Variants in DNAJA4 observed in about 807,000 individuals in gnomAD.
The protein encoded by DNAJA4 is dnaJ homolog subfamily A member 4.
In DNAJA4, 32 loss-of-function variants were observed where a neutral mutation model predicts 39.7. The ratio of observed to expected loss-of-function variants is 0.81; its 90% CI spans 0.61 to 1.08. The LOEUF (loss-of-function observed/expected upper bound fraction) is 1.08, where lower values mean the gene tolerates loss of function less well. DNAJA4 is among the 50% of genes least tolerant of loss of function. DNAJA4 has a pLI of 0.00. For missense variants in DNAJA4, 439 were observed against 505.1 expected, an observed-to-expected ratio of 0.87 and a Z score of 1.25; for synonymous variants, 184 against 182.4, an observed-to-expected ratio of 1.01 and a Z score of -0.07.
intron 5 of DNAJA4, chr15:78,278,415 A>G: frequency 2.5e-6 from 1 of 404,908 alleles, no homozygotes; most frequent in Non-Finnish European, 5.0e-6. Flanking sequence ...CATAGAATGT[A>G]CTCACACAGA....
Position 78,264,620 on chromosome 15 carries a change from C to T in DNAJA4, c.-144C>T, listed in dbSNP as rs1375488264. 1 of 1,080,148 alleles carries T rather than the reference C, an allele frequency of 9.3e-7. No homozygotes were observed. Among genetic ancestry groups the T allele is most frequent in the Non-Finnish European group, 1.1e-6 (1 of 895,100 alleles). The allele number at this position is 1,080,148 out of a possible 1,614,324, so 66.9% of individuals were successfully genotyped here. On this transcript the variant is annotated 5_prime_UTR_variant, in exon 1 of 7. Transcript: ENST00000394852. ...GCGCGGGGCGGGGGGCGGGCGGGAGCTACAAGCGGCGGCGGCGGCGGCGAC... is the reference window on the plus strand; with the variant it reads ...GCGCGGGGCGGGGGGCGGGCGGGAGTTACAAGCGGCGGCGGCGGCGGCGAC...
chr15:78,266,200 T>C (rs2049118348), intron 1 of DNAJA4: 1 of 1,612,640 alleles, frequency 6.2e-7, no homozygotes, highest in Admixed American at 1.7e-5. Flanking sequence ...TAAGGAGAGC[T>C]TGTAGGCTTC....
intron 1 of DNAJA4, chr15:78,266,400 C>T: frequency 1.0e-6 from 1 of 973,000 alleles, no homozygotes; most frequent in African/African-American, 1.6e-5. Context: ...GTGTAGGTTT[C>T]ACCCTGTCTA....
intron 1 of DNAJA4, chr15:78,265,387 C>A: frequency 1.5e-6 from 1 of 675,522 alleles, no homozygotes; most frequent in Non-Finnish European, 2.7e-6. Context: ...CCGTGCCTCT[C>A]TTGAGAATGA....
rs536103341 is a variant in DNAJA4, at chr15:78,268,640, C to T, written c.133-1857C>T. Among the ~76,000 whole-genome samples the T allele has an allele frequency of 8.5e-5, 13 of 152,214 alleles. 1 individual carries two copies. The highest frequency in any genetic ancestry group is 5.8e-4 in the East Asian group (3 of 5,186). On this transcript the variant is annotated intron_variant, in intron 1 of 6. Transcript: ENST00000394852. ...ATCTATATATCCATATTTGTCTCTCCGACTAAACTGTAGCCTCTGGAGGGC... is the reference window on the plus strand; with the variant it reads ...ATCTATATATCCATATTTGTCTCTCTGACTAAACTGTAGCCTCTGGAGGGC...
At chr15:78,276,798 C>T (rs2049475973) in intron 5 of DNAJA4, among the ~76,000 whole-genome samples, 1 of 152,178 alleles carries the variant, frequency 6.6e-6, no homozygotes, top group African/African-American at 2.4e-5. Flanking sequence ...AATAAGCCTG[C>T]CCCCAGGGCA....
At chr15:78,267,189 T>A (rs530796575) in intron 1 of DNAJA4, among the ~76,000 whole-genome samples, 11 of 151,226 alleles carry the variant, frequency 7.3e-5, no homozygotes, top group African/African-American at 1.2e-4. Flanking sequence ...TGAGTGTGTG[T>A]GTGAGTGTGT....
Position 78,275,025 on chromosome 15 carries a change from AAG to A in DNAJA4, c.647-471_647-470del, listed in dbSNP as rs57409017. On this transcript the variant is annotated intron_variant, in intron 4 of 6. Coordinates refer to ENST00000394852, the MANE Select transcript of DNAJA4 (RefSeq NM_001130182.2). The stretch of plus-strand genomic sequence containing the variant: ...AGATCAGAGATGAGACCAAAAGTAA[AAG>A]AATCAACAGCCAAACCGACACAGGT... 727 of 174,818 alleles carry A rather than the reference AAG, an allele frequency of 4.2e-3. 8 individuals carry two copies. The highest frequency in any genetic ancestry group is 0.017 in the African/African-American group (694 of 42,028). The allele number at this position is 174,818 out of a possible 1,614,324, so 10.8% of individuals were successfully genotyped here. A position where few individuals can be genotyped will look rare whatever the true frequency, so the allele number is the denominator to read the frequency against.
At chr15:78,271,010 G>C (rs1354115967) in intron 2 of DNAJA4, among the ~76,000 whole-genome samples, 2 of 152,132 alleles carry the variant, frequency 1.3e-5, no homozygotes. Flanking sequence ...CGAGGCTGCA[G>C]TGAGCTCTCC....
At chr15:78,275,190 G>A (rs1253467965) in intron 4 of DNAJA4, 2 of 366,336 alleles carry the variant, frequency 5.5e-6, no homozygotes, top group Non-Finnish European at 1.0e-5. Context: ...CGGGAAGTGG[G>A]CGGTGACCCT....
At chr15:78,269,344 G>A (rs2049230663) in intron 1 of DNAJA4, among the ~76,000 whole-genome samples, 1 of 152,126 alleles carries the variant, frequency 6.6e-6, no homozygotes, top group African/African-American at 2.4e-5. Flanking sequence ...GAGTGGATGT[G>A]GTGTGGTAAG....
intron 5 of DNAJA4, chr15:78,278,363 T>G (rs1244268446): frequency 5.6e-5 from 25 of 446,968 alleles, no homozygotes; most frequent in Admixed American, 3.1e-4. Context: ...GGATATGTTC[T>G]GAGAGATGCA....
intron 1 of DNAJA4, chr15:78,265,898 A>G (rs1188542426): frequency 1.7e-6 from 1 of 594,816 alleles, no homozygotes; most frequent in African/African-American, 1.9e-5. Context: ...CGCTGGAATC[A>G]AAATACCTGT....
At position 78,264,578 on chromosome 15, in the gene DNAJA4, G is replaced by T; in HGVS notation, c.-186G>T. The T allele has an allele frequency of 8.4e-7, 1 of 1,195,402 alleles. No homozygotes were observed. Among genetic ancestry groups the T allele is most frequent in the Non-Finnish European group, 1.0e-6 (1 of 964,828 alleles). The allele number at this position is 1,195,402 out of a possible 1,614,324, so 74.0% of individuals were successfully genotyped here. ...GGTGGCTCTAGTGCGGTGGAGCCAG[G>T]CGTGGAAGTCGGTCCGGCGCGGGGC... On this transcript the variant is annotated 5_prime_UTR_variant, in exon 1 of 7. Transcript: ENST00000394852.
rs2049063490 is a variant in DNAJA4, at chr15:78,264,603, C to CG, written c.-155dup. 9.0e-7 allele frequency: 1 copy of CG among 1,114,746 alleles called. No individual in the cohort carries two copies. The highest frequency in any genetic ancestry group is 1.7e-5 in the African/African-American group (1 of 59,732). 69.1% of individuals were successfully genotyped at this position (1,114,746 alleles called of 1,614,324 possible). On this transcript the variant is annotated 5_prime_UTR_variant, in exon 1 of 7. Coordinates refer to ENST00000394852, the MANE Select transcript of DNAJA4 (RefSeq NM_001130182.2). Reference sequence around the variant, plus strand: ...GCGTGGAAGTCGGTCCGGCGCGGGGCGGGGGGCGGGCGGGAGCTACAAGCG... The same window carrying CG: ...GCGTGGAAGTCGGTCCGGCGCGGGGCGGGGGGGCGGGCGGGAGCTACAAGCG...
In DNAJA4 at chr15:78,280,039, T is replaced by C. The variant is rs200904048; in HGVS notation, c.878-6T>C. The C allele has an allele frequency of 3.1e-6, 5 of 1,614,022 alleles. No homozygotes were observed. Among genetic ancestry groups the C allele is most frequent in the Non-Finnish European group, 4.2e-6 (5 of 1,179,920 alleles). ...CCTCCTTCCTAATTGACCCTTTCTC[T>C]GGCAGGTGAGGTGATAAAGCACGGG... On this transcript the variant is annotated splice_region_variant and splice_polypyrimidine_tract_variant and intron_variant, in intron 5 of 6. Transcript: ENST00000394852.
chr15:78,267,181 A>AGTGTGT (rs796738360), intron 1 of DNAJA4, among the ~76,000 whole-genome samples: 2 of 90,096 alleles, frequency 2.2e-5, no homozygotes, highest in African/African-American at 8.5e-5. Context: ...TGAGTGTGTG[A>AGTGTGT]GTGTGTGTGT....
chr15:78,274,126 CCATG>C, intron 3 of DNAJA4, 67 bp from the exon 4 acceptor site: 1 of 1,467,476 alleles, frequency 6.8e-7, no homozygotes, highest in East Asian at 2.4e-5. Flanking sequence ...TACCCTTCTG[CCATG>C]GCGCCCAGCA....
chr15:78,267,173 A>AGTGTGTGAGTGT (rs201226677), intron 1 of DNAJA4, among the ~76,000 whole-genome samples: 1 of 92,332 alleles, frequency 1.1e-5, no homozygotes, highest in Admixed American at 9.8e-5. Context: ...TGAGTGTGTG[A>AGTGTGTGAGTGT]GTGTGTGAGT....
Sources: allele counts gnomAD v4.1 joint callset (sites outside exome capture counted in the v4.1 genomes callset), GRCh38; gene constraint gnomAD v4.1.1; transcripts MANE v1.5; gene names NCBI Gene and HGNC (gene_info 2026-07-23, HGNC 2026-07-21).